Variants in ADAMTS3 observed in about 807,000 individuals in gnomAD.
The protein encoded by ADAMTS3 is ADAM metallopeptidase with thrombospondin type 1 motif 3, also known as A disintegrin and metalloproteinase with thrombospondin motifs 3.
Under a neutral mutation model 129.0 loss-of-function variants are expected in ADAMTS3, and 73 were observed. That is an observed-to-expected ratio of 0.57 (90% CI 0.47 to 0.69). The LOEUF is 0.69. ADAMTS3 is among the 30% of genes least tolerant of loss of function. The probability of loss-of-function intolerance (pLI) is 0.00; values close to 1 mark genes in which losing one functional copy is unlikely to be tolerated. For synonymous variants in ADAMTS3, 477 were observed against 510.8 expected (o/e 0.93, Z 0.89); for missense variants, 1,457 against 1,514.5 (o/e 0.96, Z 0.63).
At chr4:72,475,017 A>G (rs1719190655) in intron 3 of ADAMTS3, among the ~76,000 whole-genome samples, 1 of 150,132 alleles carries the variant, frequency 6.7e-6, no homozygotes, top group Non-Finnish European at 1.5e-5. Flanking sequence ...ACAGAGCGAG[A>G]CTCCGTCTAA....
At chr4:72,479,543 T>C (rs1468972043) in intron 3 of ADAMTS3, among the ~76,000 whole-genome samples, 1 of 152,128 alleles carries the variant, frequency 6.6e-6, no homozygotes, top group Non-Finnish European at 1.5e-5. Flanking sequence ...AAAAGTTAAC[T>C]CAAGATGGAT....
At chr4:72,366,020 C>T (rs1720860453) in intron 4 of ADAMTS3, among the ~76,000 whole-genome samples, 1 of 152,186 alleles carries the variant, frequency 6.6e-6, no homozygotes, top group Admixed American at 6.5e-5. Context: ...AAATTGCTGT[C>T]TCACACAGTG....
intron 2 of ADAMTS3, among the ~76,000 whole-genome samples, chr4:72,551,940 C>T (rs1003195340): frequency 2.6e-5 from 4 of 152,122 alleles, no homozygotes; most frequent in Non-Finnish European, 5.9e-5. Context: ...AGCCAGTCAA[C>T]CAATTTTTCC....
intron 19 of ADAMTS3, among the ~76,000 whole-genome samples, chr4:72,294,004 C>T (rs1309010692): frequency 1.3e-5 from 2 of 152,002 alleles, no homozygotes; most frequent in African/African-American, 4.8e-5. Context: ...ATCCAAGCTA[C>T]TAATGTCCCA....
intron 6 of ADAMTS3, among the ~76,000 whole-genome samples, chr4:72,321,986 G>C (rs923686122): frequency 6.6e-6 from 1 of 152,048 alleles, no homozygotes; most frequent in Non-Finnish European, 1.5e-5. Context: ...ATTTGAACTT[G>C]GAACCAAAAA....
chr4:72,420,630 G>A (rs1306813717), intron 3 of ADAMTS3, among the ~76,000 whole-genome samples: 1 of 152,088 alleles, frequency 6.6e-6, no homozygotes, highest in African/African-American at 2.4e-5. Flanking sequence ...TTACTTCTTG[G>A]TCTGCTTTGT....
intron 3 of ADAMTS3, among the ~76,000 whole-genome samples, chr4:72,449,262 A>T (rs1439584564): frequency 6.6e-6 from 1 of 151,382 alleles, no homozygotes; most frequent in Admixed American, 6.6e-5. Context: ...CCCTAACCCC[A>T]TCTTCCCACT....
intron 4 of ADAMTS3, among the ~76,000 whole-genome samples, chr4:72,412,914 T>C (rs1722216887): frequency 6.6e-6 from 1 of 152,024 alleles, no homozygotes; most frequent in East Asian, 1.9e-4. Context: ...CTGAGTATGT[T>C]GATGCTATTG....
intron 4 of ADAMTS3, among the ~76,000 whole-genome samples, chr4:72,359,565 A>G (rs962401044): frequency 9.9e-5 from 15 of 152,002 alleles, no homozygotes. Flanking sequence ...ATGGCTAAAT[A>G]TTTCAGTGAA....
intron 3 of ADAMTS3, among the ~76,000 whole-genome samples, chr4:72,430,419 G>T (rs1185624762): frequency 6.6e-6 from 1 of 151,950 alleles, no homozygotes; most frequent in Non-Finnish European, 1.5e-5. Context: ...TCTCATGACA[G>T]TCCAAGCCTT....
At chr4:72,317,469 CTT>C (rs71215421) in intron 10 of ADAMTS3, among the ~76,000 whole-genome samples, 9,548 of 137,510 alleles carry the variant, frequency 0.069, 986 homozygotes, top group African/African-American at 0.23. Flanking sequence ...AAAAGGCCTT[CTT>C]TTTTTTTTTT....
intron 3 of ADAMTS3, among the ~76,000 whole-genome samples, chr4:72,478,419 TA>T (rs1719309575): frequency 6.8e-6 from 1 of 146,582 alleles, no homozygotes. Context: ...ATCCAGCATA[TA>T]AACAGAACCA....
chr4:72,504,633 T>C (rs1720110043), intron 3 of ADAMTS3, among the ~76,000 whole-genome samples: 1 of 152,158 alleles, frequency 6.6e-6, no homozygotes, highest in African/African-American at 2.4e-5. Flanking sequence ...TTAGAAAAAT[T>C]TTCTTAAATT....
chr4:72,366,821 A>G (rs778088479), intron 4 of ADAMTS3, among the ~76,000 whole-genome samples: 3 of 151,806 alleles, frequency 2.0e-5, no homozygotes, highest in Non-Finnish European at 2.9e-5. Flanking sequence ...TTAACATCAT[A>G]ACTGAAAGCC....
At chr4:72,497,887 T>C (rs947581645) in intron 3 of ADAMTS3, among the ~76,000 whole-genome samples, 4 of 152,060 alleles carry the variant, frequency 2.6e-5, no homozygotes, top group Non-Finnish European at 4.4e-5. Context: ...ATAAGTCAGT[T>C]ATCTGTGCCT....
At chr4:72,336,406 G>A (rs9992917) in intron 5 of ADAMTS3, among the ~76,000 whole-genome samples, 1,901 of 152,234 alleles carry the variant, frequency 0.012, 38 homozygotes, top group African/African-American at 0.044. Flanking sequence ...TTTGAACATC[G>A]TTAGAGAAAA....
rs200439147 is a variant in ADAMTS3, at chr4:72,390,004, A to AG, written c.661+24810dup. ...TGAGAGACAGAAACGAGTGGAGAAGAGGGCAGGAAAAGGAGAGGGGAAGCG... is the reference window on the plus strand; with the variant it reads ...TGAGAGACAGAAACGAGTGGAGAAGAGGGGCAGGAAAAGGAGAGGGGAAGCG... On this transcript the variant is annotated intron_variant, in intron 4 of 21. Coordinates refer to ENST00000286657, the MANE Select transcript of ADAMTS3 (RefSeq NM_014243.3). Among the ~76,000 whole-genome samples, 59 of 152,320 alleles carry AG rather than the reference A, an allele frequency of 3.9e-4. No individual in the cohort carries two copies. The East Asian group carries it at 0.01, about 26-fold the overall frequency.
At chr4:72,370,618 C>T (rs900740910) in intron 4 of ADAMTS3, among the ~76,000 whole-genome samples, 51 of 152,118 alleles carry the variant, frequency 3.4e-4, no homozygotes, top group African/African-American at 1.1e-3. Flanking sequence ...GGCATGGTGG[C>T]GCACACCTGT....
At chr4:72,310,106 G>A (rs551575598) in intron 14 of ADAMTS3, among the ~76,000 whole-genome samples, 1 of 152,110 alleles carries the variant, frequency 6.6e-6, no homozygotes, top group African/African-American at 2.4e-5. Flanking sequence ...TGGAAGGTTA[G>A]TGTTTCATGA....
Sources: allele counts gnomAD v4.1 joint callset (sites outside exome capture counted in the v4.1 genomes callset), GRCh38; gene constraint gnomAD v4.1.1; transcripts MANE v1.5; gene names NCBI Gene and HGNC (gene_info 2026-07-23, HGNC 2026-07-21).